Variants in LGALS8 observed in about 807,000 individuals in gnomAD.
The protein encoded by LGALS8 is galectin 8, also known as galectin-8.
Under a neutral mutation model 35.9 loss-of-function variants are expected in LGALS8, and 30 were observed. The ratio of observed to expected loss-of-function variants is 0.83; its 90% confidence interval spans 0.62 to 1.13. The LOEUF (loss-of-function observed/expected upper bound fraction) is 1.13, where lower values mean the gene tolerates loss of function less well. Among genes scored for constraint, LGALS8 ranks in the 50% most tolerant of loss-of-function variants. The probability of loss-of-function intolerance (pLI) is 0.00; values close to 1 mark genes in which losing one functional copy is unlikely to be tolerated. For missense variants in LGALS8, 366 were observed against 388.7 expected (o/e 0.94, Z 0.49); for synonymous variants, 138 against 136.1 (o/e 1.01, Z -0.10).
At chr1:236,542,928 G>A (rs756913607) in intron 7 of LGALS8, 141 bp downstream of exon 7, 2 of 1,614,100 alleles carry the variant, frequency 1.2e-6, no homozygotes, top group South Asian at 1.1e-5. Context: ...AGTAATAGAG[G>A]AGGAGACATT....
chr1:236,531,010 T>C (rs938540902), intron 2 of LGALS8, among the ~76,000 whole-genome samples: 1 of 152,330 alleles, frequency 6.6e-6, no homozygotes, highest in Admixed American at 6.5e-5. Context: ...ATATCCTGTC[T>C]CTTTACGTGC....
Position 236,552,111 on chromosome 1 carries a change from A to C in LGALS8, c.*3950A>C. On this transcript the variant is annotated 3_prime_UTR_variant, in exon 10 of 10. Coordinates refer to ENST00000366584, the MANE Select transcript of LGALS8 (RefSeq NM_201544.4). ...TAATCAAAGCAGCAAATCGAACCTG[A>C]AAGGGATAAAAGAGCAAAGAAATAA... 6.4e-7 allele frequency: 1 copy of C among 1,571,818 alleles called. No homozygotes were observed.
In LGALS8 at chr1:236,547,280, A is replaced by T. The variant is rs1295763784; in HGVS notation, c.805-732A>T. 2.6e-5 allele frequency among the ~76,000 whole-genome samples: 4 copies of T among 152,344 alleles called. No individual in the cohort carries two copies. The East Asian group carries it at 5.8e-4, about 22-fold the overall frequency. On this transcript the variant is annotated intron_variant, in intron 9 of 9. Coordinates refer to ENST00000366584, the MANE Select transcript of LGALS8 (RefSeq NM_201544.4). ...TGTAAAGGTGATGTAAAAGGCTAGT[A>T]GGTTTTTTGGTTTTTCATTGTTTGA... is the stretch of plus-strand genomic sequence containing the variant.
Position 236,550,916 on chromosome 1 carries a change from G to A in LGALS8, c.*2755G>A, listed in dbSNP as rs771410489. The A allele has an allele frequency of 1.2e-6, 2 of 1,605,856 alleles. No individual in the cohort carries two copies. The highest frequency in any genetic ancestry group is 1.7e-6 in the Non-Finnish European group (2 of 1,176,962). On this transcript the variant is annotated 3_prime_UTR_variant, in exon 10 of 10. Transcript: ENST00000366584. ...CACAGAAAGTCTTAGAAATAGCTCT[G>A]GAGTGGCTCTCCCAGGACAGTTTCC... is the stretch of plus-strand genomic sequence containing the variant.
At chr1:236,538,839 T>C (rs773626756) in intron 3 of LGALS8, 40 bp from the exon 4 acceptor site, 18 of 1,504,424 alleles carry the variant, frequency 1.2e-5, no homozygotes, top group Non-Finnish European at 1.7e-5. Context: ...GGCTTTCCTT[T>C]CTGAGCACTC....
chr1:236,533,535 C>T (rs966423478), intron 2 of LGALS8, among the ~76,000 whole-genome samples: 10 of 152,070 alleles, frequency 6.6e-5, no homozygotes, highest in Non-Finnish European at 2.9e-5. Context: ...GGTTTCTCCA[C>T]GTTGGTCAGG....
upstream of LGALS8, among the ~76,000 whole-genome samples, chr1:236,520,272 G>C (rs992094677): frequency 6.7e-6 from 1 of 150,294 alleles, no homozygotes; most frequent in East Asian, 2.0e-4. Flanking sequence ...TTTTGTTTTC[G>C]TAATTTTAAG....
At chr1:236,540,366 A>G in intron 4 of LGALS8, 198 bp from the exon 5 acceptor site, 2 of 483,800 alleles carry the variant, frequency 4.1e-6, no homozygotes, top group South Asian at 8.3e-5. Flanking sequence ...GCTTAATCAA[A>G]TCAGGAACTC....
At position 236,551,909 on chromosome 1, in the gene LGALS8, C is replaced by T. The variant is rs10297; in HGVS notation, c.*3748C>T. On this transcript the variant is annotated 3_prime_UTR_variant, in exon 10 of 10. Coordinates refer to ENST00000366584, the MANE Select transcript of LGALS8 (RefSeq NM_201544.4). ...GATCAACTGCTAGTCACGTTATATCCAAATCTGCATTATCATTGGGCACAT... is the reference window on the plus strand; with the variant it reads ...GATCAACTGCTAGTCACGTTATATCTAAATCTGCATTATCATTGGGCACAT... The T allele has an allele frequency of 8.2e-6, 7 of 856,880 alleles. No individual in the cohort carries two copies. Among genetic ancestry groups the T allele is most frequent in the Non-Finnish European group, 1.2e-5 (6 of 517,312 alleles). 53.1% of individuals were successfully genotyped at this position (856,880 alleles called of 1,614,324 possible).
Position 236,538,872 on chromosome 1 carries a change from CAT to C in LGALS8, c.135-3_135-2del. 1 of 1,609,002 alleles carries C rather than the reference CAT, an allele frequency of 6.2e-7. No homozygotes were observed. The highest frequency in any genetic ancestry group is 1.1e-5 in the South Asian group (1 of 90,952). On this transcript the variant is annotated splice_region_variant and splice_polypyrimidine_tract_variant and intron_variant, in intron 3 of 9. Transcript: ENST00000366584. The stretch of plus-strand genomic sequence containing the variant: ...CTCATGGGGCCCCTGTGTCTTCCCT[CAT>C]ATAGATTCCAGGTGGATCTGCAGAA...
At chr1:236,546,445 C>T (rs1662367851) in intron 9 of LGALS8, among the ~76,000 whole-genome samples, 1 of 152,178 alleles carries the variant, frequency 6.6e-6, no homozygotes, top group South Asian at 2.1e-4. Flanking sequence ...AATCTTCTTG[C>T]TCTTTCAAAT....
chr1:236,536,324 G>A (rs1661500424), intron 2 of LGALS8: 1 of 152,278 alleles, frequency 6.6e-6, no homozygotes, highest in Non-Finnish European at 1.5e-5. Context: ...TCTAGATGGA[G>A]GCAGATGGTT....
At chr1:236,542,310 C>T in intron 6 of LGALS8, 1 of 192,300 alleles carries the variant, frequency 5.2e-6, no homozygotes, top group Admixed American at 5.4e-5. Context: ...GGGAGAACCC[C>T]ATCTCTACAA....
chr1:236,523,497 A>T (rs546703114), upstream of LGALS8: 1 of 156,588 alleles, frequency 6.4e-6, no homozygotes, highest in Non-Finnish European at 1.4e-5. Flanking sequence ...GACCCCGTGG[A>T]CCTGGGCGCC....
chr1:236,526,130 T>C lies in LGALS8; in HGVS notation c.45+15T>C. On this transcript the variant is annotated intron_variant, in intron 2 of 9. Transcript: ENST00000366584. This position sits in a 1 kb window ranked among gnomAD's most constrained non-coding sequence, Gnocchi z 4.6. Reference sequence around the variant, plus strand: ...TCTATAACCCGGTAACTGATTTCTATAAGATAACTTTTTACCTATGCCAGG... The same window carrying C: ...TCTATAACCCGGTAACTGATTTCTACAAGATAACTTTTTACCTATGCCAGG... The C allele has an allele frequency of 1.3e-6, 2 of 1,572,240 alleles. No individual in the cohort carries two copies.
upstream of LGALS8, among the ~76,000 whole-genome samples, chr1:236,521,681 A>T (rs1660554041): frequency 6.6e-6 from 1 of 152,046 alleles, no homozygotes; most frequent in Admixed American, 6.6e-5. Context: ...TACAAAACTT[A>T]GCTGGGCATG....
rs1296764003 is a variant in LGALS8, at chr1:236,548,143, G to A, written c.936G>A (p.Leu312=). 3 of 1,613,558 alleles carry A rather than the reference G, an allele frequency of 1.9e-6. No individual in the cohort carries two copies. The highest frequency in any genetic ancestry group is 1.1e-5 in the South Asian group (1 of 90,976). ...TLEINGDIHL[L]EVRSW is the part of the protein sequence containing the mutation. The stretch of plus-strand genomic sequence containing the variant: ...AAATTAATGGAGACATCCACTTACT[G>A]GAAGTAAGGAGCTGGTAGCCTACCT... Residue 312 remains leucine (L), a synonymous_variant, in exon 10 of 10, where the codon CTG becomes CTA. Transcript: ENST00000366584.
intron 9 of LGALS8, 111 bp downstream of exon 9, chr1:236,545,026 GT>G (rs1334777030): frequency 1.8e-4 from 141 of 797,062 alleles, no homozygotes; most frequent in Non-Finnish European, 1.2e-4. Flanking sequence ...AGTTGTGTAT[GT>G]TTTTTGTTTA....
intron 5 of LGALS8, among the ~76,000 whole-genome samples, chr1:236,540,996 C>T (rs2758995): frequency 0.61 from 93,014 of 152,102 alleles, 29,346 homozygotes; most frequent in Non-Finnish European, 0.69. Flanking sequence ...GCTGGGAGTG[C>T]CTGAGTCAAA....
Sources: gnomAD v4.1 joint callset for allele counts (sites outside exome capture counted in the v4.1 genomes callset) on GRCh38, gnomAD v4.1.1 for gene constraint, Gnocchi (gnomAD v3.1) non-coding constraint, MANE v1.5 for transcripts, NCBI Gene and HGNC (gene_info 2026-07-23, HGNC 2026-07-21) for gene names.